YAF2: variants seen among roughly 807,000 people sequenced by gnomAD.
YAF2 encodes YY1-associated factor 2.
Under a neutral mutation model 20.1 loss-of-function variants are expected in YAF2, and 7 were observed. That is an observed-to-expected ratio of 0.35 (90% CI 0.20 to 0.65). YAF2 has a LOEUF of 0.65. Among genes scored for constraint, YAF2 ranks in the 30% least tolerant of loss-of-function variants. The pLI is 0.69. For synonymous variants in YAF2, 74 were observed against 76.0 expected, an observed-to-expected ratio of 0.97 and a Z score of 0.14; for missense variants, 151 against 219.2, an observed-to-expected ratio of 0.69 and a Z score of 1.96.
chr12:42,213,941 T>G (rs2067281582), intron 2 of YAF2, among the ~76,000 whole-genome samples: 1 of 152,246 alleles, frequency 6.6e-6, no homozygotes, highest in Admixed American at 6.5e-5. Context: ...TAAAGGGCAT[T>G]AATACGCCCC....
At chr12:42,182,528 T>C (rs1484060850) in intron 2 of YAF2, among the ~76,000 whole-genome samples, 22 of 152,210 alleles carry the variant, frequency 1.4e-4, no homozygotes, top group Admixed American at 1.4e-3. Context: ...ACAATATCAT[T>C]GGAAAAGATG....
chr12:42,234,702 T>C (rs2068090349), intron 2 of YAF2: 1 of 984,662 alleles, frequency 1.0e-6, no homozygotes, highest in South Asian at 4.7e-5. Flanking sequence ...ATAAAGACTT[T>C]AAAGGGGCCG....
intron 2 of YAF2, among the ~76,000 whole-genome samples, chr12:42,218,459 AGTG>A (rs553392976): frequency 1.1e-4 from 17 of 152,270 alleles, no homozygotes; most frequent in African/African-American, 3.9e-4. Flanking sequence ...TATTGTGTAA[AGTG>A]GCCTATGAAT....
rs76235749 is a variant in YAF2 at position 42,180,390 on chromosome 12, A to G, written c.153-18625T>C. On this transcript the variant is annotated intron_variant, in intron 2 of 3. Coordinates refer to ENST00000534854, the MANE Select transcript of YAF2 (RefSeq NM_005748.6). ...TAATGTCCTAGGTCCAACTGCCAGC[A>G]AAGAACTGAGGTCAACAGCCACCTG... 5.7e-3 allele frequency among the ~76,000 whole-genome samples: 875 copies of G among 152,310 alleles called. 29 individuals are homozygous for G. In the East Asian group the frequency reaches 0.078, roughly 14 times the overall value.
At chr12:42,209,664 A>G (rs995433887) in intron 2 of YAF2, among the ~76,000 whole-genome samples, 1 of 152,020 alleles carries the variant, frequency 6.6e-6, no homozygotes, top group Non-Finnish European at 1.5e-5. Flanking sequence ...CAAATATGAC[A>G]TCTGCATAAA....
chr12:42,232,345 T>G, intron 2 of YAF2: 1 of 802,826 alleles, frequency 1.2e-6, no homozygotes. Context: ...AGTGTGAACC[T>G]CATAGAAAGC....
At chr12:42,202,884 G>C (rs368238479) in intron 2 of YAF2, among the ~76,000 whole-genome samples, 3 of 151,950 alleles carry the variant, frequency 2.0e-5, no homozygotes, top group Non-Finnish European at 2.9e-5. Flanking sequence ...TGATTCACCC[G>C]CCTCCGCCTC....
intron 2 of YAF2, chr12:42,235,982 C>A: frequency 1.3e-6 from 2 of 1,536,080 alleles, no homozygotes; most frequent in Non-Finnish European, 1.7e-6. Context: ...CCAGCTTCCC[C>A]CCTTCCTTGC....
chr12:42,222,745 T>C (rs2067557843), intron 2 of YAF2, among the ~76,000 whole-genome samples: 1 of 152,012 alleles, frequency 6.6e-6, no homozygotes, highest in Admixed American at 6.6e-5. Flanking sequence ...GCCAGCATGA[T>C]ATTCAGGGAT....
At chr12:42,210,423 A>C in intron 2 of YAF2, 3 of 1,533,870 alleles carry the variant, frequency 2.0e-6, no homozygotes, top group Non-Finnish European at 2.6e-6. Flanking sequence ...TCTGTTCAGC[A>C]TGAGAATCTT....
chr12:42,201,883 T>C (rs2066907703), intron 2 of YAF2, among the ~76,000 whole-genome samples: 2 of 152,204 alleles, frequency 1.3e-5, no homozygotes, highest in Non-Finnish European at 2.9e-5. Context: ...TGATGTCTTT[T>C]ATTAAACTCA....
At chr12:42,200,820 A>G (rs1401344910) in intron 2 of YAF2, among the ~76,000 whole-genome samples, 1 of 152,234 alleles carries the variant, frequency 6.6e-6, no homozygotes, top group African/African-American at 2.4e-5. Context: ...TGGACTCTGA[A>G]GCCAGACAAC....
At chr12:42,189,534 G>A (rs2066560088) in intron 2 of YAF2, among the ~76,000 whole-genome samples, 1 of 152,192 alleles carries the variant, frequency 6.6e-6, no homozygotes, top group African/African-American at 2.4e-5. Flanking sequence ...AGAGCATGAT[G>A]ATGCACAGTA....
At position 42,203,066 on chromosome 12, in the gene YAF2, C is replaced by CA. The variant is rs779968033; in HGVS notation, c.152+34532dup. ...TTTTGCACAGGAAGGTCATTTTCCA[C>CA]AAAAAAAAAAAAAAATCCTACTGGG... On this transcript the variant is annotated intron_variant, in intron 2 of 3. Transcript: ENST00000534854. 6.0e-3 allele frequency among the ~76,000 whole-genome samples: 680 copies of CA among 113,354 alleles called. 4 individuals carry two copies. The highest frequency in any genetic ancestry group is 0.011 in the Middle Eastern group (2 of 186). The allele number at this position is 113,354 out of a possible 152,430, so 74.4% of individuals were successfully genotyped here.
chr12:42,220,389 C>A (rs953263631), intron 2 of YAF2, among the ~76,000 whole-genome samples: 1 of 152,132 alleles, frequency 6.6e-6, no homozygotes, highest in Non-Finnish European at 1.5e-5. Context: ...GCATTTAGAA[C>A]AATTACTTTA....
At chr12:42,161,003 CCAAT>C (rs2065787912) in intron 3 of YAF2, 177 bp from the exon 4 acceptor site, 5 of 586,422 alleles carry the variant, frequency 8.5e-6, no homozygotes, top group Admixed American at 3.4e-5. Context: ...ATTAATCAAA[CCAAT>C]CATTCATGAA....
intron 2 of YAF2, chr12:42,210,705 AT>A (rs1478330770): frequency 2.6e-6 from 4 of 1,523,092 alleles, no homozygotes; most frequent in Non-Finnish European, 2.6e-6. Flanking sequence ...AGATTATTTC[AT>A]TTTATTTGAG....
chr12:42,203,225 TA>T (rs2066947508), intron 2 of YAF2, among the ~76,000 whole-genome samples: 1 of 152,200 alleles, frequency 6.6e-6, no homozygotes, highest in Non-Finnish European at 1.5e-5. Flanking sequence ...TGTCCTTCAA[TA>T]AAATGTTGGG....
chr12:42,211,434 A>AG (rs1270467969), intron 2 of YAF2, among the ~76,000 whole-genome samples: 2 of 147,578 alleles, frequency 1.4e-5, no homozygotes, highest in Non-Finnish European at 3.0e-5. Context: ...CTCCAAAAAA[A>AG]AAAAAAAAAA....
Sources: allele counts gnomAD v4.1 joint callset (sites outside exome capture counted in the v4.1 genomes callset), GRCh38; gene constraint gnomAD v4.1.1; transcripts MANE v1.5; gene names NCBI Gene and HGNC (gene_info 2026-07-23, HGNC 2026-07-21).